PXK: variants seen among roughly 807,000 people sequenced by gnomAD.
The protein encoded by PXK is PX domain containing serine/threonine kinase like, also known as PX domain-containing protein kinase-like protein.
Under a neutral mutation model 84.7 loss-of-function variants are expected in PXK, and 35 were observed. The observed-to-expected ratio is 0.41, with a 90% CI of 0.32 to 0.55. PXK has a LOEUF of 0.55. Among genes scored for constraint, PXK ranks in the 20% least tolerant of loss-of-function variants. PXK has a pLI of 0.21. For missense variants in PXK, 634 were observed against 699.7 expected, an observed-to-expected ratio of 0.91 and a Z score of 1.06; for synonymous variants, 253 against 260.8, an observed-to-expected ratio of 0.97 and a Z score of 0.29.
At chr3:58,392,963 A>T (rs910718336) in intron 7 of PXK, among the ~76,000 whole-genome samples, 3 of 152,026 alleles carry the variant, frequency 2.0e-5, no homozygotes, top group Admixed American at 1.3e-4. Flanking sequence ...CCCGGCCCTA[A>T]ATTTCTTTTA....
In PXK at chr3:58,425,569, T is replaced by TAGA. The variant is rs1182103264; in HGVS notation, c.*611_*613dup. The TAGA allele has an allele frequency of 6.5e-6, 1 of 153,326 alleles. No homozygotes were observed. Among genetic ancestry groups the TAGA allele is most frequent in the East Asian group, 1.9e-4 (1 of 5,214 alleles). 9.5% of individuals were successfully genotyped at this position (153,326 alleles called of 1,614,324 possible). On this transcript the variant is annotated 3_prime_UTR_variant, in exon 18 of 18. Coordinates refer to ENST00000356151, the MANE Select transcript of PXK (RefSeq NM_017771.5). ...TCTAACAGGAATACCATTGTGGTTA[T>TAGA]AGAACTCAGGGCTGCTAAAGCAACT...
chr3:58,404,218 C>A (rs1363323209), intron 13 of PXK, among the ~76,000 whole-genome samples: 1 of 152,152 alleles, frequency 6.6e-6, no homozygotes, highest in Non-Finnish European at 1.5e-5. Flanking sequence ...AGGAGGTCTT[C>A]TCCTGGGAAG....
At chr3:58,357,079 G>A in intron 1 of PXK, among the ~76,000 whole-genome samples, 1 of 149,984 alleles carries the variant, frequency 6.7e-6, no homozygotes. Flanking sequence ...AAGAGATGGA[G>A]ACCATTCTGG....
chr3:58,353,351 C>T (rs1190426362), intron 1 of PXK, among the ~76,000 whole-genome samples: 4 of 152,190 alleles, frequency 2.6e-5, no homozygotes, highest in East Asian at 1.9e-4. Context: ...AAAGAAGATG[C>T]GTTTGGCTTT....
At chr3:58,423,545 G>GC in intron 17 of PXK, 2 of 1,533,896 alleles carry the variant, frequency 1.3e-6, no homozygotes, top group Non-Finnish European at 1.7e-6. Flanking sequence ...CACACTTGGT[G>GC]AAAAGGATGT....
chr3:58,381,555 C>CAAAAAAA (rs34125797), intron 3 of PXK, among the ~76,000 whole-genome samples: 3 of 120,914 alleles, frequency 2.5e-5, no homozygotes, highest in Non-Finnish European at 3.3e-5. Context: ...AATAGAAAAC[C>CAAAAAAA]AAAAAAAAAA....
At chr3:58,402,328 A>G (rs1300193505) in intron 12 of PXK, among the ~76,000 whole-genome samples, 1 of 139,818 alleles carries the variant, frequency 7.2e-6, no homozygotes, top group Admixed American at 7.9e-5. Context: ...TAAACTCCTG[A>G]GCTCAAAGGG....
At position 58,364,132 on chromosome 3, in the gene PXK, A is replaced by C. The variant is rs2098233700; in HGVS notation, c.103-1742A>C. On this transcript the variant is annotated intron_variant, in intron 1 of 17. Transcript: ENST00000356151. The surrounding 1 kb of genome is among the most constrained non-coding windows in gnomAD (Gnocchi z 4.3). ...ATTCTTTTTATAAATTGCTGAATTC[A>C]ATTTACTAATATTTTGGTAAGGATT... is the stretch of plus-strand genomic sequence containing the variant. Among the ~76,000 whole-genome samples, 1 of 152,210 alleles carries C rather than the reference A, an allele frequency of 6.6e-6. No homozygotes were observed. The highest frequency in any genetic ancestry group is 2.4e-5 in the African/African-American group (1 of 41,438).
In PXK at chr3:58,421,181, G is replaced by GT; in HGVS notation, c.1529-3570dup. 1.0e-6 allele frequency: 1 copy of GT among 985,390 alleles called. No individual in the cohort carries two copies. Among genetic ancestry groups the GT allele is most frequent in the Non-Finnish European group, 1.2e-6 (1 of 829,922 alleles). The allele number at this position is 985,390 out of a possible 1,614,324, so 61.0% of individuals were successfully genotyped here. ...GTAAGTCTGGTGTTACCCTAGTGTGGTCTCATGGCCACTTGGCCTCCCTTC... is the reference window on the plus strand; with the variant it reads ...GTAAGTCTGGTGTTACCCTAGTGTGGTTCTCATGGCCACTTGGCCTCCCTTC... On this transcript the variant is annotated intron_variant, in intron 17 of 17. Transcript: ENST00000356151. This position sits in a 1 kb window ranked among gnomAD's most constrained non-coding sequence, Gnocchi z 5.5.
chr3:58,378,717 G>T (rs903282581), intron 3 of PXK, among the ~76,000 whole-genome samples: 1 of 150,288 alleles, frequency 6.7e-6, no homozygotes, highest in African/African-American at 2.4e-5. Flanking sequence ...TGTGTTTTTA[G>T]TAGAGATGGG....
chr3:58,344,742 C>T (rs191091879), intron 1 of PXK, among the ~76,000 whole-genome samples: 4 of 152,306 alleles, frequency 2.6e-5, no homozygotes, highest in Non-Finnish European at 4.4e-5. Flanking sequence ...GCAGGAGAAT[C>T]GCTTGAACCT....
chr3:58,406,904 A>G (rs1474756854), intron 13 of PXK, among the ~76,000 whole-genome samples: 2 of 152,166 alleles, frequency 1.3e-5, no homozygotes, highest in African/African-American at 4.8e-5. Flanking sequence ...TTCTATTTTT[A>G]AGGTTGAGTA....
chr3:58,365,560 A>G (rs959307615), intron 1 of PXK, among the ~76,000 whole-genome samples: 1 of 152,174 alleles, frequency 6.6e-6, no homozygotes, highest in Non-Finnish European at 1.5e-5. Flanking sequence ...TTGTTCTGTC[A>G]ATTCCTGACA....
intron 4 of PXK, among the ~76,000 whole-genome samples, chr3:58,389,459 A>G (rs1467099407): frequency 6.6e-6 from 1 of 152,228 alleles, no homozygotes; most frequent in Non-Finnish European, 1.5e-5. Context: ...GTTTTGAAAA[A>G]TATACATTTT....
intron 3 of PXK, among the ~76,000 whole-genome samples, chr3:58,380,726 C>T (rs530291512): frequency 1.3e-4 from 20 of 151,866 alleles, no homozygotes; most frequent in Admixed American, 1.2e-3. Context: ...AGGAGAACTG[C>T]TTGAACCCGG....
rs2059984383 is a variant in PXK at position 58,410,142 on chromosome 3, G to A, written c.1448G>A (p.Ser483Asn). ...ENSEEHSAKY[S>N]NSNNSAGSGA... is the part of the protein sequence containing the mutation. ...AGTGAAGAGCATTCAGCGAAGTACA[G>A]CAACTCCAATAATTCAGGTAACTGG... The change falls in exon 16 of 18, where the codon AGC becomes AAC. Residue 483 changes from serine (S) to asparagine (N), a missense_variant. Coordinates refer to ENST00000356151, the MANE Select transcript of PXK (RefSeq NM_017771.5). 3 of 1,594,194 alleles carry A rather than the reference G, an allele frequency of 1.9e-6. No individual in the cohort carries two copies. Among genetic ancestry groups the A allele is most frequent in the Non-Finnish European group, 2.6e-6 (3 of 1,161,692 alleles).
At position 58,333,877 on chromosome 3, in the gene PXK, T is replaced by A. The variant is rs1575577709; in HGVS notation, c.102+787T>A. 8.9e-6 allele frequency among the ~76,000 whole-genome samples: 1 copy of A among 111,820 alleles called. No individual in the cohort carries two copies. Among genetic ancestry groups the A allele is most frequent in the African/African-American group, 4.1e-5 (1 of 24,452 alleles). The allele number at this position is 111,820 out of a possible 152,430, so 73.4% of individuals were successfully genotyped here. On this transcript the variant is annotated intron_variant, in intron 1 of 17. Coordinates refer to ENST00000356151, the MANE Select transcript of PXK (RefSeq NM_017771.5). This position sits in a 1 kb window ranked among gnomAD's most constrained non-coding sequence, Gnocchi z 5.4. ...GTGGTTGTTTTCATTTGCTTGTACC[T>A]TTTTTTTTTTTTGAAAGGCCCACTA...
intron 1 of PXK, among the ~76,000 whole-genome samples, chr3:58,354,684 G>A (rs2098029019): frequency 1.3e-5 from 2 of 152,064 alleles, no homozygotes; most frequent in African/African-American, 4.8e-5. Flanking sequence ...TCCTGACCTT[G>A]TGAATCGCCC....
chr3:58,390,082 G>A lies in PXK; in HGVS notation c.389-500G>A, dbSNP rs1412876289. The stretch of plus-strand genomic sequence containing the variant: ...AGTCCCAGCTATTCGGGAGGCTGAG[G>A]TGGGAGGATCACTTGAGCCCAGGAG... On this transcript the variant is annotated intron_variant, in intron 4 of 17. Transcript: ENST00000356151. The surrounding 1 kb of genome is among the most constrained non-coding windows in gnomAD (Gnocchi z 4.2). 6.6e-6 allele frequency among the ~76,000 whole-genome samples: 1 copy of A among 151,882 alleles called. No homozygotes were observed. Among genetic ancestry groups the A allele is most frequent in the East Asian group, 1.9e-4 (1 of 5,192 alleles).
Sources: gnomAD v4.1 joint callset for allele counts (sites outside exome capture counted in the v4.1 genomes callset) on GRCh38, gnomAD v4.1.1 for gene constraint, Gnocchi (gnomAD v3.1) non-coding constraint, MANE v1.5 for transcripts, NCBI Gene and HGNC (gene_info 2026-07-23, HGNC 2026-07-21) for gene names.